Variants in FGD6 observed in about 807,000 individuals in gnomAD.
FGD6 encodes FYVE, RhoGEF and PH domain-containing protein 6.
A neutral mutation model predicts 149.4 loss-of-function variants in FGD6; 90 were observed. The observed-to-expected ratio is 0.60, with a 90% CI of 0.51 to 0.72. FGD6 has a LOEUF of 0.72. FGD6 is among the 30% of genes least tolerant of loss of function. FGD6 has a pLI of 0.00. For missense variants in FGD6, 1,437 were observed against 1,684.8 expected (o/e 0.85, Z 2.57); for synonymous variants, 527 against 584.0 (o/e 0.90, Z 1.41).
intron 2 of FGD6, chr12:95,189,667 AAAAAAG>A (rs1255282845): frequency 6.6e-6 from 1 of 152,004 alleles, no homozygotes; most frequent in Admixed American, 6.6e-5. Context: ...AAAAAAAAAA[AAAAAAG>A]AATCTAGTAA....
intron 2 of FGD6, among the ~76,000 whole-genome samples, chr12:95,182,885 T>C (rs960424796): frequency 2.0e-5 from 3 of 152,228 alleles, no homozygotes; most frequent in Non-Finnish European, 4.4e-5. Flanking sequence ...ATCCTTTGAC[T>C]ACCTTCTCTA....
chr12:95,134,779 C>T lies in FGD6; in HGVS notation c.3042G>A (p.Lys1014=), dbSNP rs780025143. Residue 1014 remains lysine (K), a synonymous_variant, in exon 8 of 21, where the codon AAG becomes AAA. Coordinates refer to ENST00000343958, the MANE Select transcript of FGD6 (RefSeq NM_018351.4). The part of the protein sequence containing the change: ...ANLALKHYLL[K]PVQRIPQYRL... ...TGTACTGGGGGATCCTCTGAACCGG[C>T]TTGAGCAGGTAGTGCTTGAGGGCCA... The T allele has an allele frequency of 2.4e-5, 39 of 1,613,896 alleles. No homozygotes were observed. The highest frequency in any genetic ancestry group is 3.2e-5 in the Non-Finnish European group (38 of 1,179,926).
chr12:95,210,591 G>A lies in FGD6; in HGVS notation c.693C>T (p.Ser231=). 6.2e-7 allele frequency: 1 copy of A among 1,614,162 alleles called. No homozygotes were observed. The highest frequency in any genetic ancestry group is 8.5e-7 in the Non-Finnish European group (1 of 1,180,020). Reference sequence around the variant, plus strand: ...TGTGATGATCAGGAACTTTTTCAAAGCTGGATGGGGAAGGTGACAAATCCG... The same window carrying A: ...TGTGATGATCAGGAACTTTTTCAAAACTGGATGGGGAAGGTGACAAATCCG... The part of the protein sequence containing the change: ...EFADLSPSPS[S]FEKVPDHHSC... Residue 231 remains serine, a synonymous_variant, in exon 2 of 21, where the codon AGC becomes AGT. Coordinates refer to ENST00000343958, the MANE Select transcript of FGD6 (RefSeq NM_018351.4).
At chr12:95,212,352 A>G (rs2056732132) in intron 1 of FGD6, among the ~76,000 whole-genome samples, 1 of 152,204 alleles carries the variant, frequency 6.6e-6, no homozygotes, top group African/African-American at 2.4e-5. Context: ...CTAGTGTAGC[A>G]ATTCTTCCTA....
chr12:95,083,688 A>G (rs2136229963), intron 20 of FGD6, among the ~76,000 whole-genome samples: 1 of 152,314 alleles, frequency 6.6e-6, no homozygotes, highest in Admixed American at 6.5e-5. Flanking sequence ...GATGTGTGCA[A>G]TTCTGGTACA....
intron 2 of FGD6, among the ~76,000 whole-genome samples, chr12:95,208,631 G>A (rs1004343738): frequency 1.3e-5 from 2 of 152,064 alleles, no homozygotes; most frequent in Non-Finnish European, 2.9e-5. Context: ...TCTTTGAATC[G>A]GTTACTAAAA....
At chr12:95,198,246 C>T (rs1246968999) in intron 2 of FGD6, among the ~76,000 whole-genome samples, 2 of 152,176 alleles carry the variant, frequency 1.3e-5, no homozygotes, top group Admixed American at 1.3e-4. Context: ...TGGTTCCATA[C>T]TTCAGTTTAT....
intron 9 of FGD6, among the ~76,000 whole-genome samples, chr12:95,112,889 A>C (rs1463652082): frequency 1.3e-5 from 2 of 152,198 alleles, no homozygotes; most frequent in Non-Finnish European, 2.9e-5. Flanking sequence ...ATGCTTTTTT[A>C]GACTCATCCC....
chr12:95,108,281 TA>T, intron 11 of FGD6, 66 bp downstream of exon 11: 1 of 1,377,636 alleles, frequency 7.3e-7, no homozygotes, highest in Admixed American at 2.0e-5. Context: ...TATAAAATGA[TA>T]AACAGATACA....
chr12:95,210,691 T>C lies in FGD6; in HGVS notation c.593A>G (p.Gln198Arg), dbSNP rs150803698. 64 of 1,613,990 alleles carry C rather than the reference T, an allele frequency of 4.0e-5. No individual in the cohort carries two copies. The highest frequency in any genetic ancestry group is 1.3e-5 in the African/African-American group (1 of 75,068). The change falls in exon 2 of 21, where the codon CAG becomes CGG. Residue 198 changes from glutamine (Q) to arginine (R), a missense_variant. By Grantham distance (43) the Gln-to-Arg change is conservative (BLOSUM62 1). Around this residue, in one of 2 missense-constraint regions of FGD6, gnomAD observed 1,055 missense variants for 1,146.0 expected, o/e 0.92. Coordinates refer to ENST00000343958, the MANE Select transcript of FGD6 (RefSeq NM_018351.4). Reference protein sequence around the residue: ...IHQMPPFISAQKHRPTDSPEM... With the variant: ...IHQMPPFISARKHRPTDSPEM... The stretch of plus-strand genomic sequence containing the variant: ...TGGGCTGTCTGTGGGCCTGTGCTTC[T>C]GTGCAGAAATAAAAGGTGGCATTTG...
chr12:95,156,154 G>GA (rs1304218503), intron 3 of FGD6, among the ~76,000 whole-genome samples: 1 of 152,096 alleles, frequency 6.6e-6, no homozygotes, highest in African/African-American at 2.4e-5. Context: ...TGGGCACCTT[G>GA]AAAAAAGAAC....
intron 8 of FGD6, among the ~76,000 whole-genome samples, chr12:95,123,030 G>A (rs1879236202): frequency 1.3e-5 from 2 of 150,342 alleles, no homozygotes; most frequent in Non-Finnish European, 3.0e-5. Context: ...TGCACAGCCT[G>A]AGCGACAGAG....
At chr12:95,143,347 A>G (rs1289188590) in intron 5 of FGD6, among the ~76,000 whole-genome samples, 1 of 150,820 alleles carries the variant, frequency 6.6e-6, no homozygotes, top group Admixed American at 6.6e-5. Context: ...AACTTAAAGT[A>G]TATGAAAGGA....
intron 3 of FGD6, among the ~76,000 whole-genome samples, chr12:95,168,550 C>A (rs1016282567): frequency 6.6e-6 from 1 of 151,946 alleles, no homozygotes; most frequent in Non-Finnish European, 1.5e-5. Flanking sequence ...GTAATCCCAG[C>A]TACTCAGGAG....
At position 95,209,049 on chromosome 12, in the gene FGD6, T is replaced by C. The variant is rs1374973419; in HGVS notation, c.2235A>G (p.Ala745=). 1 of 1,614,214 alleles carries C rather than the reference T, an allele frequency of 6.2e-7. No homozygotes were observed. ...AATGGCGTATATTTTCATACTCCGG[T>C]GCACAGAGGCTTGTAACAGACTTGT... ...APYKSVTSLC[A]PEYENIRHYE... is the part of the protein sequence containing the mutation. Residue 745 remains alanine, a synonymous_variant, in exon 2 of 21, where the codon GCA becomes GCG. Transcript: ENST00000343958.
At chr12:95,107,950 T>C (rs956176003) in intron 11 of FGD6, among the ~76,000 whole-genome samples, 2 of 152,148 alleles carry the variant, frequency 1.3e-5, no homozygotes, top group African/African-American at 4.8e-5. Context: ...CCCGAATTAA[T>C]TCCCTAGGCC....
chr12:95,147,399 C>CAT (rs1398237639), intron 5 of FGD6, among the ~76,000 whole-genome samples: 2 of 152,126 alleles, frequency 1.3e-5, no homozygotes, highest in African/African-American at 2.4e-5. Flanking sequence ...TAATTGAAAG[C>CAT]AATCTTTTAT....
At chr12:95,188,766 T>C (rs78387383) in intron 2 of FGD6, among the ~76,000 whole-genome samples, 2,611 of 152,224 alleles carry the variant, frequency 0.017, 24 homozygotes, top group Middle Eastern at 0.027. Context: ...CCAAGTTTAC[T>C]AATCTCAGTT....
In FGD6 at chr12:95,083,030, T is replaced by TATACACACACAC. The variant is rs772685891; in HGVS notation, c.4256+1467_4256+1468insGTGTGTGTGTAT. Among the ~76,000 whole-genome samples, 90 of 56,584 alleles carry TATACACACACAC rather than the reference T, an allele frequency of 1.6e-3. 1 individual carries two copies. Among genetic ancestry groups the TATACACACACAC allele is most frequent in the African/African-American group, 7.0e-3 (86 of 12,352 alleles). 37.1% of individuals were successfully genotyped at this position (56,584 alleles called of 152,430 possible). A position where few individuals can be genotyped will look rare whatever the true frequency, so the allele number is the denominator to read the frequency against. ...AAAAAAAAATATATATATATATATA[T>TATACACACACAC]ACACACACATACACACACACACACA... On this transcript the variant is annotated intron_variant, in intron 20 of 20. Coordinates refer to ENST00000343958, the MANE Select transcript of FGD6 (RefSeq NM_018351.4).
Sources: gnomAD v4.1 joint callset for allele counts (sites outside exome capture counted in the v4.1 genomes callset) on GRCh38, gnomAD v4.1.1 for gene constraint, gnomAD v4.1.1 regional missense constraint, MANE v1.5 for transcripts, NCBI Gene and HGNC (gene_info 2026-07-23, HGNC 2026-07-21) for gene names.